The following TMOD3 variants were observed in gnomAD, a reference collection of about 807,000 sequenced individuals.
TMOD3 encodes the protein tropomodulin-3.
Under a neutral mutation model 39.2 loss-of-function variants are expected in TMOD3, and 20 were observed. The observed-to-expected ratio is 0.51, with a 90% CI of 0.36 to 0.74. The LOEUF is 0.74. TMOD3 is among the 30% of genes least tolerant of loss of function. The pLI is 0.00. For missense variants in TMOD3, 381 were observed against 412.8 expected (o/e 0.92, Z 0.67); for synonymous variants, 143 against 145.8 (o/e 0.98, Z 0.14).
At chr15:51,879,856 T>TTACACACACACACA (rs3985813) in intron 3 of TMOD3, among the ~76,000 whole-genome samples, 27 of 142,558 alleles carry the variant, frequency 1.9e-4, no homozygotes, top group Non-Finnish European at 3.3e-4. Context: ...TCTCTGTCTT[T>TTACACACACACACA]CACACACACA....
At chr15:51,892,236 T>C (rs2056597270) in intron 5 of TMOD3, 1 of 152,214 alleles carries the variant, frequency 6.6e-6, no homozygotes, top group Non-Finnish European at 1.5e-5. Context: ...AGTCTTTCCA[T>C]GTCAATTGCT....
intron 1 of TMOD3, among the ~76,000 whole-genome samples, chr15:51,852,415 CA>C (rs1451202277): frequency 6.7e-6 from 1 of 149,760 alleles, no homozygotes; most frequent in African/African-American, 2.5e-5. Flanking sequence ...AGAGGAAACT[CA>C]TTTGGTTACC....
intron 8 of TMOD3, among the ~76,000 whole-genome samples, 159 bp from the exon 9 acceptor site, chr15:51,901,733 C>A (rs1222429284): frequency 6.6e-6 from 1 of 151,956 alleles, no homozygotes; most frequent in Non-Finnish European, 1.5e-5. Flanking sequence ...TTCTCAGTTA[C>A]AAATCAGTAC....
chr15:51,867,547 A>G (rs1395586515), intron 2 of TMOD3, among the ~76,000 whole-genome samples: 2 of 152,228 alleles, frequency 1.3e-5, no homozygotes, highest in Admixed American at 1.3e-4. Context: ...ATGTGTCTCA[A>G]CAAATGACCA....
At chr15:51,840,944 A>G (rs1937332467) in intron 1 of TMOD3, among the ~76,000 whole-genome samples, 2 of 152,222 alleles carry the variant, frequency 1.3e-5, no homozygotes, top group Non-Finnish European at 2.9e-5. Flanking sequence ...CTAGTATCAT[A>G]AAACTAAAAA....
intron 9 of TMOD3, 116 bp downstream of exon 9, chr15:51,902,152 A>C: frequency 8.1e-7 from 1 of 1,230,874 alleles, no homozygotes; most frequent in East Asian, 2.5e-5. Context: ...CTTTGTTTCT[A>C]AAATCTGCAT....
At position 51,867,124 on chromosome 15, in the gene TMOD3, G is replaced by A. The variant is rs372619422; in HGVS notation, c.127-2093G>A. Reference sequence around the variant, plus strand: ...TGTGACTGGAATGGAGAGGGTGTGTGAGATGAGGCTAGGGTGACAGACTGA... The same window carrying A: ...TGTGACTGGAATGGAGAGGGTGTGTAAGATGAGGCTAGGGTGACAGACTGA... On this transcript the variant is annotated intron_variant, in intron 2 of 9. Transcript: ENST00000308580. 3.2e-4 allele frequency among the ~76,000 whole-genome samples: 48 copies of A among 152,290 alleles called. No individual in the cohort carries two copies. In the South Asian group the frequency reaches 9.3e-3, roughly 30 times the overall value.
rs189749664 is a variant in TMOD3 at position 51,888,755 on chromosome 15, A to G, written c.407-301A>G. On this transcript the variant is annotated intron_variant, in intron 4 of 9. Transcript: ENST00000308580. The stretch of plus-strand genomic sequence containing the variant: ...TGAACGGCAAAAATAGATCATTTCC[A>G]TTTTCTCTCTTAGCCACTAGATGGA... Among the ~76,000 whole-genome samples the G allele has an allele frequency of 3.3e-3, 504 of 152,216 alleles. 2 individuals carry two copies. Among genetic ancestry groups the G allele is most frequent in the Non-Finnish European group, 4.9e-3 (334 of 68,002 alleles).
rs760938249 is a variant in TMOD3, at chr15:51,901,969, A to T, written c.957A>T (p.Gly319=). The part of the protein sequence containing the change: ...LEENTNILKF[G]YQFTQQGPRT... ...AAAATACAAATATCCTTAAATTTGG[A>T]TATCAGTTTACACAGCAGGGACCAC... Residue 319 remains glycine, a synonymous_variant, in exon 9 of 10, where the codon GGA becomes GGT. Transcript: ENST00000308580. 6.2e-6 allele frequency: 10 copies of T among 1,614,076 alleles called. No homozygotes were observed. The highest frequency in any genetic ancestry group is 3.3e-5 in the South Asian group (3 of 91,092).
At chr15:51,898,497 C>T (rs1367362292) in intron 7 of TMOD3, among the ~76,000 whole-genome samples, 1 of 152,210 alleles carries the variant, frequency 6.6e-6, no homozygotes, top group Non-Finnish European at 1.5e-5. Flanking sequence ...AATGAACATT[C>T]TGCCAGGCAG....
chr15:51,848,142 A>G (rs2056344924), intron 1 of TMOD3, among the ~76,000 whole-genome samples: 1 of 152,242 alleles, frequency 6.6e-6, no homozygotes, highest in African/African-American at 2.4e-5. Flanking sequence ...ATTGTGAGAA[A>G]TAAATTGCTG....
Position 51,889,152 on chromosome 15 carries a change from A to G in TMOD3, c.496+7A>G. The G allele has an allele frequency of 6.4e-7, 1 of 1,550,480 alleles. No homozygotes were observed. Among genetic ancestry groups the G allele is most frequent in the Middle Eastern group, 1.7e-4 (1 of 5,924 alleles). On this transcript the variant is annotated splice_region_variant and intron_variant, in intron 5 of 9. Transcript: ENST00000308580. ...GACCAAGAACATTTTTCAAGTGAGTACTTAAAATGCTTTGTGAATTCTAAT... is the reference window on the plus strand; with the variant it reads ...GACCAAGAACATTTTTCAAGTGAGTGCTTAAAATGCTTTGTGAATTCTAAT...
chr15:51,856,257 T>C (rs576866328), intron 1 of TMOD3, among the ~76,000 whole-genome samples: 2 of 152,330 alleles, frequency 1.3e-5, no homozygotes, highest in African/African-American at 2.4e-5. Context: ...AATGAGACCT[T>C]GTCTTAAAAA....
intron 3 of TMOD3, among the ~76,000 whole-genome samples, chr15:51,870,419 G>A: frequency 6.6e-6 from 1 of 152,198 alleles, no homozygotes; most frequent in Non-Finnish European, 1.5e-5. Context: ...CAGAGCTGAA[G>A]ATCAGCTCTT....
At chr15:51,843,325 G>T (rs2056321331) in intron 1 of TMOD3, among the ~76,000 whole-genome samples, 1 of 152,196 alleles carries the variant, frequency 6.6e-6, no homozygotes, top group African/African-American at 2.4e-5. Flanking sequence ...TATCTGTGAG[G>T]CCCTGAGGAA....
At chr15:51,876,388 G>C (rs2056503562) in intron 3 of TMOD3, among the ~76,000 whole-genome samples, 1 of 151,014 alleles carries the variant, frequency 6.6e-6, no homozygotes. Context: ...TCAAATGCTT[G>C]GCCTCAAGCA....
chr15:51,874,755 A>G (rs1306328387), intron 3 of TMOD3, among the ~76,000 whole-genome samples: 2 of 152,116 alleles, frequency 1.3e-5, no homozygotes, highest in Non-Finnish European at 2.9e-5. Context: ...ACCTAGACTA[A>G]GAATTTTTTT....
rs574598779 is a variant in TMOD3 at position 51,859,304 on chromosome 15, G to T, written c.-74-3507G>T. ...TGCAGTTTTCAGGTCTACCAAGGGGGTGGTTCAATGGTTCCTTGATACAAT... is the reference window on the plus strand; with the variant it reads ...TGCAGTTTTCAGGTCTACCAAGGGGTTGGTTCAATGGTTCCTTGATACAAT... On this transcript the variant is annotated intron_variant, in intron 1 of 9. Transcript: ENST00000308580. 1.9e-4 allele frequency: 141 copies of T among 730,012 alleles called. 1 individual carries two copies. The highest frequency in any genetic ancestry group is 1.9e-3 in the South Asian group (139 of 74,162). The allele number at this position is 730,012 out of a possible 1,614,324, so 45.2% of individuals were successfully genotyped here. A position where few individuals can be genotyped will look rare whatever the true frequency, so the allele number is the denominator to read the frequency against.
At chr15:51,898,858 CT>C (rs1157411952) in intron 7 of TMOD3, among the ~76,000 whole-genome samples, 1 of 152,014 alleles carries the variant, frequency 6.6e-6, no homozygotes, top group Non-Finnish European at 1.5e-5. Flanking sequence ...ACCTCTGTCT[CT>C]TTTTCTTTCC....
Sources: allele counts gnomAD v4.1 joint callset (sites outside exome capture counted in the v4.1 genomes callset), GRCh38; gene constraint gnomAD v4.1.1; transcripts MANE v1.5; gene names NCBI Gene and HGNC (gene_info 2026-07-23, HGNC 2026-07-21).